The following CSMD3 variants were observed in gnomAD, a reference collection of about 807,000 sequenced individuals.
CSMD3 encodes the protein CUB and sushi domain-containing protein 3.
In CSMD3, 177 loss-of-function variants were observed where a neutral mutation model predicts 435.2. The observed-to-expected ratio is 0.41, with a 90% CI of 0.36 to 0.46. CSMD3 has a LOEUF of 0.46. Among genes scored for constraint, CSMD3 ranks in the 20% least tolerant of loss-of-function variants. CSMD3 has a pLI of 0.34. For missense variants in CSMD3, 4,265 were observed against 4,504.6 expected (o/e 0.95, Z 1.52); for synonymous variants, 1,656 against 1,520.5 (o/e 1.09, Z -2.07).
At position 112,859,183 on chromosome 8, in the gene CSMD3, G is replaced by C. The variant is rs1452331046; in HGVS notation, c.1717C>G (p.Gln573Glu). 1.2e-6 allele frequency: 2 copies of C among 1,610,462 alleles called. No individual in the cohort carries two copies. The highest frequency in any genetic ancestry group is 1.7e-6 in the Non-Finnish European group (2 of 1,177,252). The change falls in exon 11 of 71, where the codon CAA (glutamine) becomes GAA (glutamate). Residue 573 changes from glutamine (Q) to glutamate (E), a missense_variant. This residue lies in a region of CSMD3 where 731 missense variants were observed against 755.4 expected (regional missense o/e 0.97). Coordinates refer to ENST00000297405, the MANE Select transcript of CSMD3 (RefSeq NM_198123.2). ...ACTGCTGTGATGACCCAGACACATT[G>C]TGCATTGCTGTCATACTGGAACGGA... is the stretch of plus-strand genomic sequence containing the variant. ...NFPFQYDSNA[Q>E]CVWVITAVNT...
intron 36 of CSMD3, among the ~76,000 whole-genome samples, chr8:112,390,158 A>G (rs895797196): frequency 6.6e-6 from 1 of 152,218 alleles, no homozygotes; most frequent in African/African-American, 2.4e-5. Context: ...GGTCAATAAA[A>G]CAGGAGGGAA....
At chr8:113,153,103 A>AGAAAG (rs879834114) in intron 4 of CSMD3, among the ~76,000 whole-genome samples, 3 of 116,554 alleles carry the variant, frequency 2.6e-5, no homozygotes, top group South Asian at 2.8e-4. Context: ...AAAGAAAGAA[A>AGAAAG]AGAAAGAAAG....
At chr8:113,248,894 T>C (rs2093307380) in intron 3 of CSMD3, among the ~76,000 whole-genome samples, 5 of 151,978 alleles carry the variant, frequency 3.3e-5, no homozygotes, top group Admixed American at 3.3e-4. Context: ...ACTGTCAACT[T>C]TCCTGACAAT....
In CSMD3 at chr8:112,304,703, A is replaced by G. The variant is rs758932654; in HGVS notation, c.8266+18T>C. 1 of 1,581,162 alleles carries G rather than the reference A, an allele frequency of 6.3e-7. No homozygotes were observed. The highest frequency in any genetic ancestry group is 8.7e-7 in the Non-Finnish European group (1 of 1,149,948). ...CAAACATAGCTTATGAAATAAGTTTAGCAGAGTGTATACTTACTTTGGCAA... is the reference window on the plus strand; with the variant it reads ...CAAACATAGCTTATGAAATAAGTTTGGCAGAGTGTATACTTACTTTGGCAA... On this transcript the variant is annotated intron_variant, in intron 52 of 70. Coordinates refer to ENST00000297405, the MANE Select transcript of CSMD3 (RefSeq NM_198123.2).
At chr8:112,509,086 C>CTT (rs758083076) in intron 28 of CSMD3, among the ~76,000 whole-genome samples, 112 of 132,480 alleles carry the variant, frequency 8.5e-4, no homozygotes, top group African/African-American at 2.8e-3. Context: ...GATTAGATGT[C>CTT]TTTTTTTTTT....
At chr8:112,548,638 T>C (rs570778500) in intron 27 of CSMD3, among the ~76,000 whole-genome samples, 66 of 152,250 alleles carry the variant, frequency 4.3e-4, no homozygotes, top group Admixed American at 2.2e-3. Flanking sequence ...AGATTATGTA[T>C]ATAAAGCATT....
chr8:113,399,914 G>A (rs1410953034), intron 1 of CSMD3, among the ~76,000 whole-genome samples: 1 of 150,840 alleles, frequency 6.6e-6, no homozygotes, highest in Non-Finnish European at 1.5e-5. Context: ...TTGATTATTT[G>A]TATTGGCTAG....
At chr8:112,319,296 A>C (rs568217276) in intron 46 of CSMD3, among the ~76,000 whole-genome samples, 6 of 152,106 alleles carry the variant, frequency 3.9e-5, no homozygotes, top group Non-Finnish European at 5.9e-5. Flanking sequence ...TTGAAGTTAC[A>C]TCGGTCACTG....
intron 11 of CSMD3, among the ~76,000 whole-genome samples, chr8:112,850,881 T>C (rs938631283): frequency 6.6e-6 from 1 of 152,194 alleles, no homozygotes; most frequent in Admixed American, 6.5e-5. Context: ...CATCATTATA[T>C]AGTAGGTCCA....
At chr8:112,559,874 T>C (rs1480425111) in intron 24 of CSMD3, among the ~76,000 whole-genome samples, 6 of 151,788 alleles carry the variant, frequency 4.0e-5, no homozygotes, top group Admixed American at 3.9e-4. Flanking sequence ...CTTCTGAGGA[T>C]AGAAAACCTT....
At chr8:112,629,529 C>T (rs1318241064) in intron 22 of CSMD3, among the ~76,000 whole-genome samples, 1 of 152,114 alleles carries the variant, frequency 6.6e-6, no homozygotes, top group Non-Finnish European at 1.5e-5. Flanking sequence ...GCCTTAAAAT[C>T]ATAAAGTATA....
chr8:112,319,897 T>G lies in CSMD3; in HGVS notation c.7246+4A>C, dbSNP rs758570867. ...TTTCCTTGAAAATAATTTAACAGCT[T>G]TACCTATTTCAAATTCATCATCTTC... On this transcript the variant is annotated splice_donor_region_variant and intron_variant, in intron 46 of 70. Coordinates refer to ENST00000297405, the MANE Select transcript of CSMD3 (RefSeq NM_198123.2). 2.4e-5 allele frequency: 39 copies of G among 1,599,512 alleles called. No homozygotes were observed. Among genetic ancestry groups the G allele is most frequent in the Non-Finnish European group, 1.4e-5 (16 of 1,167,080 alleles).
intron 41 of CSMD3, 90 bp downstream of exon 41, chr8:112,346,006 AT>A: frequency 1.2e-6 from 1 of 830,356 alleles, no homozygotes; most frequent in Non-Finnish European, 2.1e-6. Context: ...ATTTGTGAAG[AT>A]TTTATAAATT....
chr8:112,259,679 T>C (rs955730513), intron 61 of CSMD3, among the ~76,000 whole-genome samples: 3 of 152,226 alleles, frequency 2.0e-5, no homozygotes, highest in Non-Finnish European at 4.4e-5. Flanking sequence ...GTTTACTGTG[T>C]TTAAATTTTC....
At chr8:112,621,204 C>T (rs1289486001) in intron 22 of CSMD3, among the ~76,000 whole-genome samples, 1 of 152,020 alleles carries the variant, frequency 6.6e-6, no homozygotes, top group African/African-American at 2.4e-5. Context: ...CATTGCACTC[C>T]AGCCTGGGCA....
intron 27 of CSMD3, among the ~76,000 whole-genome samples, chr8:112,523,788 C>T (rs1408786813): frequency 6.6e-6 from 1 of 151,968 alleles, no homozygotes; most frequent in Non-Finnish European, 1.5e-5. Flanking sequence ...CATTATTAGG[C>T]CCACACTCTG....
chr8:113,317,902 A>G (rs992824490), intron 1 of CSMD3, among the ~76,000 whole-genome samples: 10 of 152,186 alleles, frequency 6.6e-5, no homozygotes, highest in African/African-American at 2.2e-4. Flanking sequence ...GTAGACTTCT[A>G]CTACATTCTT....
intron 24 of CSMD3, among the ~76,000 whole-genome samples, chr8:112,569,163 C>T (rs1042070982): frequency 6.6e-6 from 1 of 152,116 alleles, no homozygotes; most frequent in Non-Finnish European, 1.5e-5. Flanking sequence ...TGGCACTGCC[C>T]ATTTTTTCCT....
chr8:113,417,457 T>A (rs986431137), intron 1 of CSMD3, among the ~76,000 whole-genome samples: 2 of 151,886 alleles, frequency 1.3e-5, no homozygotes, highest in Non-Finnish European at 2.9e-5. Flanking sequence ...AAAGATAATT[T>A]TATATAGTAA....
Sources: allele counts gnomAD v4.1 joint callset (sites outside exome capture counted in the v4.1 genomes callset), GRCh38; gene constraint gnomAD v4.1.1; regional missense constraint gnomAD v4.1.1; transcripts MANE v1.5; gene names NCBI Gene and HGNC (gene_info 2026-07-23, HGNC 2026-07-21).